DNAJC7: variants seen among roughly 807,000 people sequenced by gnomAD.
DNAJC7 encodes DnaJ heat shock protein family (Hsp40) member C7, also known as dnaJ homolog subfamily C member 7.
DNAJC7 carries 18 observed loss-of-function variants against 67.4 expected under a neutral mutation model. That is an observed-to-expected ratio of 0.27 (90% CI 0.18 to 0.40). The LOEUF (loss-of-function observed/expected upper bound fraction) is 0.40, where lower values mean the gene tolerates loss of function less well. Ranked by LOEUF, DNAJC7 falls within the 10% of genes least tolerant of loss-of-function variation. The pLI is 1.00. For missense variants in DNAJC7, 419 were observed against 613.8 expected (o/e 0.68, Z 3.35); for synonymous variants, 220 against 207.8 (o/e 1.06, Z -0.50).
At chr17:41,991,258 T>C (rs2051504989) in intron 5 of DNAJC7, among the ~76,000 whole-genome samples, 1 of 152,208 alleles carries the variant, frequency 6.6e-6, no homozygotes, top group African/African-American at 2.4e-5. Flanking sequence ...AAGGGACACC[T>C]ATTCCCTCTA....
At chr17:42,006,711 C>T (rs1404234764) in intron 1 of DNAJC7, among the ~76,000 whole-genome samples, 2 of 146,544 alleles carry the variant, frequency 1.4e-5, no homozygotes, top group Admixed American at 1.4e-4. Context: ...GCAGGAGAAT[C>T]CCTTGAACCC....
At chr17:41,978,941 C>T (rs2051167899) in intron 12 of DNAJC7, among the ~76,000 whole-genome samples, 2 of 152,154 alleles carry the variant, frequency 1.3e-5, no homozygotes, top group Admixed American at 6.5e-5. Flanking sequence ...AACTGCTAGG[C>T]AGAGGAACAT....
chr17:41,978,492 C>T (rs111333964), intron 12 of DNAJC7, among the ~76,000 whole-genome samples: 22 of 152,282 alleles, frequency 1.4e-4, no homozygotes, highest in African/African-American at 4.6e-4. Flanking sequence ...CTCCTTACTC[C>T]CTCCAACCCC....
intron 1 of DNAJC7, chr17:42,001,121 G>A (rs1472674478): frequency 6.6e-6 from 1 of 152,652 alleles, no homozygotes; most frequent in African/African-American, 2.4e-5. Context: ...AGCATAGCAT[G>A]TTGGTGTTTA....
chr17:41,993,319 C>T (rs908917214), intron 5 of DNAJC7, among the ~76,000 whole-genome samples: 8 of 152,042 alleles, frequency 5.3e-5, no homozygotes, highest in African/African-American at 1.7e-4. Flanking sequence ...ATTAGCTGGG[C>T]GTGGTGGTGG....
intron 1 of DNAJC7, chr17:42,016,199 C>A (rs1267799555): frequency 6.6e-6 from 1 of 152,180 alleles, no homozygotes; most frequent in Non-Finnish European, 1.5e-5. Flanking sequence ...TGGTAACCAC[C>A]CTCAAGCTTG....
At chr17:42,011,785 A>T (rs903123601) in intron 1 of DNAJC7, 24 of 152,100 alleles carry the variant, frequency 1.6e-4, no homozygotes, top group Admixed American at 1.2e-3. Context: ...TAAGAATTTA[A>T]AACCAGGTAA....
At position 41,988,864 on chromosome 17, in the gene DNAJC7, A is replaced by G. The variant is rs782010085; in HGVS notation, c.786T>C (p.Asp262=). 13 of 1,613,328 alleles carry G rather than the reference A, an allele frequency of 8.1e-6. No homozygotes were observed. Among genetic ancestry groups the G allele is most frequent in the African/African-American group, 1.3e-5 (1 of 74,882 alleles). Residue 262 remains aspartate (D), a synonymous_variant, in exon 8 of 14, where the codon GAT becomes GAC. Transcript: ENST00000457167. ...TTCCTTCCTTAAATGCTTTATTCCC[A>G]TCTTCTTTCTTTGCTTTGAGTGCTT... is the stretch of plus-strand genomic sequence containing the variant. ...NAKALKAKKE[D]GNKAFKEGNY... is the part of the protein sequence containing the mutation.
chr17:41,982,723 C>T (rs1337782266), intron 10 of DNAJC7, among the ~76,000 whole-genome samples: 1 of 152,128 alleles, frequency 6.6e-6, no homozygotes, highest in African/African-American at 2.4e-5. Flanking sequence ...AGGAATCAAG[C>T]TTGACAGAAT....
chr17:41,988,674 C>T, intron 8 of DNAJC7, 58 bp downstream of exon 8: 2 of 1,518,980 alleles, frequency 1.3e-6, no homozygotes, highest in Non-Finnish European at 1.8e-6. Context: ...TTCCCAAGAC[C>T]CTTTGATGTC....
At chr17:42,012,534 CTA>C (rs1283902863) in intron 1 of DNAJC7, among the ~76,000 whole-genome samples, 1 of 152,114 alleles carries the variant, frequency 6.6e-6, no homozygotes, top group African/African-American at 2.4e-5. Flanking sequence ...GAAAGACTCC[CTA>C]TAGAGATCAA....
At chr17:41,993,926 C>A (rs2051580429) in intron 5 of DNAJC7, among the ~76,000 whole-genome samples, 1 of 151,556 alleles carries the variant, frequency 6.6e-6, no homozygotes, top group Admixed American at 6.6e-5. Context: ...GCCTGTAATC[C>A]CAGCTACTCG....
intron 1 of DNAJC7, chr17:42,014,019 A>C (rs1555651446): frequency 6.6e-6 from 1 of 151,966 alleles, no homozygotes; most frequent in Non-Finnish European, 1.5e-5. Context: ...GGCTGGTCTC[A>C]AACTCCCGAC....
At chr17:42,004,908 C>T (rs1555649951) in intron 1 of DNAJC7, among the ~76,000 whole-genome samples, 1 of 151,986 alleles carries the variant, frequency 6.6e-6, no homozygotes, top group African/African-American at 2.4e-5. Flanking sequence ...GTCTGTAGTC[C>T]CAACTACTTG....
intron 1 of DNAJC7, among the ~76,000 whole-genome samples, chr17:42,008,416 AT>A (rs60604224): frequency 0.98 from 145,929 of 149,538 alleles, 71,230 homozygotes; most frequent in African/African-American, 0.99. Context: ...ATAGATATAG[AT>A]TTTTTTTTTT....
chr17:42,004,025 G>A (rs782432131), intron 1 of DNAJC7, among the ~76,000 whole-genome samples: 1 of 130,138 alleles, frequency 7.7e-6, no homozygotes, highest in Non-Finnish European at 1.6e-5. Flanking sequence ...GCATGAACTC[G>A]GTTCACTGCA....
At chr17:41,979,657 TAAAAAAAAAA>T (rs71155200) in intron 12 of DNAJC7, among the ~76,000 whole-genome samples, 1,145 of 47,908 alleles carry the variant, frequency 0.024, 33 homozygotes, top group African/African-American at 0.096. Flanking sequence ...GGCTCAGTCT[TAAAAAAAAAA>T]AAAAAAAAAA....
At chr17:41,979,684 C>G (rs1398181624) in intron 12 of DNAJC7, among the ~76,000 whole-genome samples, 1 of 83,110 alleles carries the variant, frequency 1.2e-5, no homozygotes, top group African/African-American at 3.9e-5. Flanking sequence ...AAAAAAAGGC[C>G]GGGCGCGGTG....
At chr17:42,017,141 C>G (rs964335468) in intron 1 of DNAJC7, 199 bp downstream of exon 1, 5 of 1,480,570 alleles carry the variant, frequency 3.4e-6, no homozygotes, top group Middle Eastern at 2.0e-4. Context: ...GCTCCTACGC[C>G]AGGCGGAAGC....
Sources: allele counts gnomAD v4.1 joint callset (sites outside exome capture counted in the v4.1 genomes callset), GRCh38; gene constraint gnomAD v4.1.1; transcripts MANE v1.5; gene names NCBI Gene and HGNC (gene_info 2026-07-23, HGNC 2026-07-21).